Variants in CSMD1 observed in about 807,000 individuals in gnomAD.
The protein encoded by CSMD1 is CUB and sushi domain-containing protein 1.
CSMD1 carries 213 observed loss-of-function variants against 417.5 expected under a neutral mutation model. The observed-to-expected ratio is 0.51, with a 90% CI of 0.46 to 0.57. The LOEUF is 0.57. CSMD1 is among the 20% of genes least tolerant of loss of function. The probability of loss-of-function intolerance (pLI) is 0.00; values close to 1 mark genes in which losing one functional copy is unlikely to be tolerated. For missense variants in CSMD1, 6,923 were observed against 4,529.7 expected (o/e 1.53, Z -15.17); for synonymous variants, 2,862 against 1,736.8 (o/e 1.65, Z -16.11).
chr8:3,180,592 T>C (rs576316701), intron 37 of CSMD1, among the ~76,000 whole-genome samples: 6 of 152,332 alleles, frequency 3.9e-5, no homozygotes, highest in Non-Finnish European at 7.3e-5. Flanking sequence ...TTTGAACTTA[T>C]ACATTTACCC....
chr8:3,694,157 G>A (rs150240691), intron 7 of CSMD1, among the ~76,000 whole-genome samples: 8 of 151,990 alleles, frequency 5.3e-5, no homozygotes, highest in Non-Finnish European at 1.2e-4. Context: ...ATGCTGGAGA[G>A]GGGCTCACAG....
At chr8:3,599,712 C>A (rs549316167) in intron 8 of CSMD1, among the ~76,000 whole-genome samples, 1 of 152,152 alleles carries the variant, frequency 6.6e-6, no homozygotes, top group Admixed American at 6.5e-5. Context: ...TGCTGCATGC[C>A]CAGATTGGCG....
chr8:4,788,451 A>T, intron 1 of CSMD1: 1 of 1,326,306 alleles, frequency 7.5e-7, no homozygotes, highest in Admixed American at 1.7e-5. Flanking sequence ...CTTTCTCCAG[A>T]AGGATCAGCT....
At chr8:3,231,780 C>T (rs1798855781) in intron 26 of CSMD1, among the ~76,000 whole-genome samples, 1 of 152,168 alleles carries the variant, frequency 6.6e-6, no homozygotes, top group African/African-American at 2.4e-5. Context: ...CCCATCAGGA[C>T]TTAATTAGTA....
chr8:3,199,429 A>T (rs73660609), intron 33 of CSMD1, among the ~76,000 whole-genome samples: 3,345 of 152,240 alleles, frequency 0.022, 118 homozygotes, highest in African/African-American at 0.076. Flanking sequence ...ATCTTACGAG[A>T]TGTGAAGAGC....
chr8:4,176,473 C>T (rs955819771), intron 3 of CSMD1, among the ~76,000 whole-genome samples: 37 of 152,034 alleles, frequency 2.4e-4, no homozygotes, highest in African/African-American at 8.5e-4. Context: ...CATCCTGGCA[C>T]CTTCTAACCT....
rs1175775460 is a variant in CSMD1 at position 4,761,896 on chromosome 8, TATCTATCTATCTATCA to T, written c.86-124354_86-124339del. 6.7e-3 allele frequency among the ~76,000 whole-genome samples: 591 copies of T among 88,786 alleles called. 11 individuals are homozygous for T. Among genetic ancestry groups the T allele is most frequent in the Middle Eastern group, 0.028 (4 of 142 alleles). The allele number at this position is 88,786 out of a possible 152,430, so 58.2% of individuals were successfully genotyped here. On this transcript the variant is annotated intron_variant, in intron 1 of 69. Transcript: ENST00000635120. ...CTATCTATCTATCTATCTACCTACC[TATCTATCTATCTATCA>T]ATCTATCTATCTATCTATCTATCTA...
At chr8:4,567,422 A>G (rs999100457) in intron 2 of CSMD1, among the ~76,000 whole-genome samples, 2 of 152,136 alleles carry the variant, frequency 1.3e-5, no homozygotes, top group African/African-American at 4.8e-5. Context: ...AACAACAACA[A>G]ATGGCATTTT....
intron 4 of CSMD1, among the ~76,000 whole-genome samples, chr8:4,019,723 T>A (rs558352530): frequency 1.3e-5 from 2 of 152,180 alleles, no homozygotes; most frequent in African/African-American, 2.4e-5. Flanking sequence ...CACGTGGGTA[T>A]GAATGTGCCT....
intron 7 of CSMD1, among the ~76,000 whole-genome samples, chr8:3,659,643 C>T (rs1393212645): frequency 6.6e-6 from 1 of 152,076 alleles, no homozygotes; most frequent in Non-Finnish European, 1.5e-5. Context: ...GGTGATGTGG[C>T]AAAGCAGATA....
chr8:4,949,258 G>C (rs977452407), intron 1 of CSMD1, among the ~76,000 whole-genome samples: 8 of 152,128 alleles, frequency 5.3e-5, no homozygotes, highest in African/African-American at 1.4e-4. Context: ...TCATAAATGA[G>C]AGTGGCCTGG....
intron 2 of CSMD1, among the ~76,000 whole-genome samples, chr8:4,478,118 C>G (rs182531338): frequency 9.2e-5 from 14 of 152,254 alleles, no homozygotes; most frequent in Admixed American, 7.8e-4. Context: ...CTGGCTGTTA[C>G]GTTCACAGGC....
intron 52 of CSMD1, among the ~76,000 whole-genome samples, chr8:3,015,157 T>G (rs951072995): frequency 2.0e-5 from 3 of 151,964 alleles, no homozygotes; most frequent in Non-Finnish European, 4.4e-5. Context: ...AAGAATGAAT[T>G]TGGTTCTTGT....
chr8:3,861,350 G>C (rs182078197), intron 5 of CSMD1, among the ~76,000 whole-genome samples: 106 of 152,308 alleles, frequency 7.0e-4, no homozygotes, highest in Non-Finnish European at 2.8e-4. Context: ...CCACAACTCT[G>C]ATAAAAGTAA....
chr8:3,304,878 C>CA (rs1301416173), intron 25 of CSMD1, among the ~76,000 whole-genome samples: 1 of 151,850 alleles, frequency 6.6e-6, no homozygotes, highest in Non-Finnish European at 1.5e-5. Flanking sequence ...TTAAGAAAAA[C>CA]AAAAATGTGA....
chr8:3,109,966 T>C (rs1162729713), intron 43 of CSMD1, among the ~76,000 whole-genome samples, 192 bp downstream of exon 43: 2 of 152,162 alleles, frequency 1.3e-5, no homozygotes, highest in African/African-American at 2.4e-5. Context: ...TGCCTATTTC[T>C]ACCATGTAGC....
intron 3 of CSMD1, among the ~76,000 whole-genome samples, chr8:4,410,102 C>T (rs1796567294): frequency 3.3e-5 from 5 of 152,182 alleles, no homozygotes; most frequent in Non-Finnish European, 7.4e-5. Flanking sequence ...CCATGAGCCA[C>T]CGTACCCGGT....
chr8:3,891,417 C>T (rs1003515404), intron 5 of CSMD1, among the ~76,000 whole-genome samples: 17 of 152,022 alleles, frequency 1.1e-4, no homozygotes, highest in Non-Finnish European at 1.3e-4. Context: ...TGGTGGCTCA[C>T]GCCTACAAAC....
At chr8:4,440,232 G>A (rs1451237997) in intron 2 of CSMD1, among the ~76,000 whole-genome samples, 1 of 152,050 alleles carries the variant, frequency 6.6e-6, no homozygotes, top group Non-Finnish European at 1.5e-5. Flanking sequence ...ACCTATATGT[G>A]CATGTGCACC....
Sources: allele counts gnomAD v4.1 joint callset (sites outside exome capture counted in the v4.1 genomes callset), GRCh38; gene constraint gnomAD v4.1.1; transcripts MANE v1.5; gene names NCBI Gene and HGNC (gene_info 2026-07-23, HGNC 2026-07-21).